Variants in NRXN3 observed in about 807,000 individuals in gnomAD.
The protein encoded by NRXN3 is neurexin 3.
NRXN3 carries 32 observed loss-of-function variants against 137.6 expected under a neutral mutation model. That is an observed-to-expected ratio of 0.23 (90% confidence interval 0.18 to 0.31). The LOEUF (loss-of-function observed/expected upper bound fraction) is 0.31. NRXN3 is among the 10% of genes least tolerant of loss of function. NRXN3 has a pLI of 1.00. For synonymous variants in NRXN3, 798 were observed against 784.5 expected, an observed-to-expected ratio of 1.02 and a Z score of -0.29; for missense variants, 1,574 against 2,062.5, an observed-to-expected ratio of 0.76 and a Z score of 4.59.
At chr14:78,564,221 T>C (rs574296003) in intron 4 of NRXN3, among the ~76,000 whole-genome samples, 1 of 152,174 alleles carries the variant, frequency 6.6e-6, no homozygotes, top group Non-Finnish European at 1.5e-5. Context: ...TTGATGCCAA[T>C]AACTGGCTGA....
intron 16 of NRXN3, among the ~76,000 whole-genome samples, chr14:79,595,187 T>C (rs546035891): frequency 2.6e-5 from 4 of 152,300 alleles, no homozygotes; most frequent in African/African-American, 9.6e-5. Flanking sequence ...CTCTAGCCAG[T>C]CAGTTCTATG....
intron 8 of NRXN3, among the ~76,000 whole-genome samples, chr14:78,766,085 G>T (rs2098708135): frequency 6.6e-6 from 1 of 152,174 alleles, no homozygotes; most frequent in South Asian, 2.1e-4. Context: ...TCCAGTGAGA[G>T]AACTCGGTCT....
chr14:79,107,234 G>A (rs1004484358), intron 15 of NRXN3, among the ~76,000 whole-genome samples: 1 of 152,142 alleles, frequency 6.6e-6, no homozygotes. Context: ...GGACTTGAGA[G>A]AGTAGAGAGC....
intron 16 of NRXN3, among the ~76,000 whole-genome samples, chr14:79,598,097 G>C (rs776160552): frequency 6.6e-6 from 1 of 152,162 alleles, no homozygotes; most frequent in South Asian, 2.1e-4. Context: ...AAATCATTAT[G>C]TAGTGATTAG....
chr14:79,037,870 C>T (rs949031999), intron 15 of NRXN3, among the ~76,000 whole-genome samples: 4 of 152,178 alleles, frequency 2.6e-5, no homozygotes, highest in South Asian at 2.1e-4. Flanking sequence ...AAGTGTAGGA[C>T]GCTGGTACGG....
chr14:79,833,414 G>T (rs191636848), intron 20 of NRXN3, among the ~76,000 whole-genome samples: 2 of 152,160 alleles, frequency 1.3e-5, no homozygotes, highest in East Asian at 1.9e-4. Context: ...ATTTTATGGT[G>T]CCTTTGCCTC....
intron 15 of NRXN3, among the ~76,000 whole-genome samples, chr14:79,398,693 G>C (rs1446170412): frequency 6.6e-6 from 1 of 152,016 alleles, no homozygotes; most frequent in Non-Finnish European, 1.5e-5. Context: ...AGGGGTTCAA[G>C]GGGGTTGAGT....
In NRXN3 at chr14:79,721,952, A is replaced by T. The variant is rs2098846056; in HGVS notation, c.4014+24015A>T. On this transcript the variant is annotated intron_variant, in intron 19 of 20. Coordinates refer to ENST00000335750, the MANE Select transcript of NRXN3 (RefSeq NM_001330195.2). The stretch of plus-strand genomic sequence containing the variant: ...TTAGCACATTAAAAGAACTCCATAG[A>T]GAGCTAAGTCATGTTTAGTTCAGCG... 3.9e-5 allele frequency among the ~76,000 whole-genome samples: 6 copies of T among 152,216 alleles called. No individual in the cohort carries two copies. In the South Asian group the frequency reaches 1.2e-3, roughly 32 times the overall value.
intron 17 of NRXN3, among the ~76,000 whole-genome samples, chr14:79,670,507 A>T (rs984188122): frequency 4.6e-5 from 7 of 152,084 alleles, no homozygotes; most frequent in Admixed American, 2.6e-4. Context: ...TTCTCGCATT[A>T]AAACCAAGTG....
At chr14:79,076,292 G>A (rs1179001421) in intron 15 of NRXN3, among the ~76,000 whole-genome samples, 2 of 152,134 alleles carry the variant, frequency 1.3e-5, no homozygotes, top group Admixed American at 6.6e-5. Flanking sequence ...ACTCCAAAAC[G>A]TAGCAGCTCA....
At chr14:78,525,128 G>C (rs1272659777) in intron 4 of NRXN3, among the ~76,000 whole-genome samples, 1 of 152,164 alleles carries the variant, frequency 6.6e-6, no homozygotes, top group Non-Finnish European at 1.5e-5. Context: ...TTCATACAAA[G>C]TGGGGTTCTT....
chr14:78,999,532 A>G (rs2099537234), intron 15 of NRXN3, among the ~76,000 whole-genome samples: 2 of 152,182 alleles, frequency 1.3e-5, no homozygotes, highest in Non-Finnish European at 2.9e-5. Flanking sequence ...TACTAGGACT[A>G]GGTGTTTTCT....
chr14:78,764,690 C>A (rs1486654243), intron 8 of NRXN3, among the ~76,000 whole-genome samples: 3 of 152,158 alleles, frequency 2.0e-5, no homozygotes, highest in African/African-American at 7.2e-5. Flanking sequence ...TGGTGAAAAG[C>A]AGCTTAGCAG....
intron 10 of NRXN3, among the ~76,000 whole-genome samples, chr14:78,819,599 G>C (rs570784276): frequency 3.3e-5 from 5 of 152,232 alleles, no homozygotes; most frequent in Non-Finnish European, 7.4e-5. Context: ...GACCGTATTA[G>C]TTTCAGGCAC....
intron 15 of NRXN3, among the ~76,000 whole-genome samples, chr14:79,272,840 G>T (rs1054567546): frequency 2.6e-4 from 40 of 152,268 alleles, no homozygotes; most frequent in African/African-American, 8.9e-4. Context: ...CCATGAGTTG[G>T]GTAACATGTG....
At chr14:79,730,384 G>C (rs2098917579) in intron 19 of NRXN3, among the ~76,000 whole-genome samples, 1 of 152,158 alleles carries the variant, frequency 6.6e-6, no homozygotes, top group Non-Finnish European at 1.5e-5. Flanking sequence ...TGTGTGCTGT[G>C]ATTTGGAAAA....
At chr14:79,612,435 C>A (rs1325846043) in intron 16 of NRXN3, among the ~76,000 whole-genome samples, 1 of 152,200 alleles carries the variant, frequency 6.6e-6, no homozygotes, top group East Asian at 1.9e-4. Flanking sequence ...ACTAGAAAGT[C>A]CAGGGGAAAG....
At chr14:79,380,263 T>C (rs2094432009) in intron 15 of NRXN3, among the ~76,000 whole-genome samples, 2 of 151,382 alleles carry the variant, frequency 1.3e-5, no homozygotes, top group Admixed American at 6.6e-5. Context: ...TAGTTACATA[T>C]GTATACATGT....
At chr14:79,586,978 G>A (rs945521529) in intron 16 of NRXN3, among the ~76,000 whole-genome samples, 2 of 152,126 alleles carry the variant, frequency 1.3e-5, no homozygotes, top group South Asian at 2.1e-4. Context: ...TGAATCTGCT[G>A]GTAACTGAGA....
Sources: allele counts gnomAD v4.1 joint callset (sites outside exome capture counted in the v4.1 genomes callset), GRCh38; gene constraint gnomAD v4.1.1; transcripts MANE v1.5; gene names NCBI Gene and HGNC (gene_info 2026-07-23, HGNC 2026-07-21).